Variants in BBS1 observed in about 807,000 individuals in gnomAD.
The protein encoded by BBS1 is BBSome complex member BBS1.
Under a neutral mutation model 73.9 loss-of-function variants are expected in BBS1, and 60 were observed. The observed-to-expected ratio is 0.81, with a 90% CI of 0.66 to 1.01. BBS1 has a LOEUF of 1.01. BBS1 is among the 50% of genes least tolerant of loss of function. The pLI is 0.00. For missense variants in BBS1, 718 were observed against 770.3 expected (o/e 0.93, Z 0.80); for synonymous variants, 283 against 317.4 (o/e 0.89, Z 1.15).
chr11:66,525,947 A>T (rs547969637), intron 11 of BBS1, among the ~76,000 whole-genome samples, 176 bp from the exon 12 acceptor site: 2 of 152,284 alleles, frequency 1.3e-5, no homozygotes, highest in South Asian at 4.1e-4. Context: ...TCTGGAACTG[A>T]GGTAGTGAGA....
In BBS1 at chr11:66,512,020, GTGTATATATA is replaced by G. The variant is rs1329157159; in HGVS notation, c.159+805_159+814del. Among the ~76,000 whole-genome samples the G allele has an allele frequency of 3.4e-3, 480 of 143,276 alleles. 3 individuals are homozygous for G. Among genetic ancestry groups the G allele is most frequent in the South Asian group, 5.6e-3 (26 of 4,676 alleles). 94.0% of individuals were successfully genotyped at this position (143,276 alleles called of 152,430 possible). ...CAAAAAAAAATATATATATATATAT[GTGTATATATA>G]TGTATATATATGTATATATATGTGT... On this transcript the variant is annotated intron_variant, in intron 3 of 16. Coordinates refer to ENST00000318312, the MANE Select transcript of BBS1 (RefSeq NM_024649.5).
chr11:66,531,171 AC>A, intron 15 of BBS1, 143 bp downstream of exon 15: 1 of 1,223,368 alleles, frequency 8.2e-7, no homozygotes, highest in Non-Finnish European at 1.2e-6. Flanking sequence ...CCCACCACAG[AC>A]CAGGCCAAGG....
chr11:66,523,107 T>G lies in BBS1; in HGVS notation c.831-349T>G, dbSNP rs973000583. The G allele has an allele frequency of 1.9e-5, 9 of 477,948 alleles. No individual in the cohort carries two copies. The Admixed American group carries it at 2.1e-4, about 11-fold the overall frequency. 29.6% of individuals were successfully genotyped at this position (477,948 alleles called of 1,614,324 possible). A position where few individuals can be genotyped will look rare whatever the true frequency, so the allele number is the denominator to read the frequency against. On this transcript the variant is annotated intron_variant, in intron 9 of 16. Transcript: ENST00000318312. The stretch of plus-strand genomic sequence containing the variant: ...CATCCTTTTCTCATAATAAAGTGCC[T>G]AAGTCCACTTGTCCTGGCTAGTCCA...
intron 11 of BBS1, chr11:66,524,223 T>C (rs1160726910): frequency 8.2e-6 from 3 of 367,966 alleles, no homozygotes; most frequent in Non-Finnish European, 1.6e-5. Context: ...GAGGTTGCAG[T>C]GAGCCAAGAT....
At chr11:66,529,495 G>A in intron 13 of BBS1, 1 of 729,070 alleles carries the variant, frequency 1.4e-6, no homozygotes, top group East Asian at 2.7e-5. Context: ...TTGTCTGGGG[G>A]AAGAAGATGG....
intron 3 of BBS1, among the ~76,000 whole-genome samples, chr11:66,514,036 C>T (rs1856000768): frequency 6.6e-6 from 1 of 152,220 alleles, no homozygotes; most frequent in Non-Finnish European, 1.5e-5. Context: ...TCCCCGTCCC[C>T]TCCCACACTG....
chr11:66,526,623 T>C, intron 12 of BBS1, 26 bp from the exon 13 acceptor site: 1 of 1,614,084 alleles, frequency 6.2e-7, no homozygotes, highest in Non-Finnish European at 8.5e-7. Flanking sequence ...GGAGGACAAA[T>C]CCATTTCCAC....
At chr11:66,529,366 G>A in intron 13 of BBS1, 2 of 1,492,484 alleles carry the variant, frequency 1.3e-6, no homozygotes, top group South Asian at 1.2e-5. Flanking sequence ...ACCTCCCTGT[G>A]GAGATGAGCA....
Position 66,528,272 on chromosome 11 carries a change from A to G in BBS1, c.1339+1465A>G, listed in dbSNP as rs576984052. Among the ~76,000 whole-genome samples, 5 of 152,374 alleles carry G rather than the reference A, an allele frequency of 3.3e-5. No individual in the cohort carries two copies. In the South Asian group the frequency reaches 8.3e-4, roughly 25 times the overall value. Reference sequence around the variant, plus strand: ...AAGTTGTAAAACTATCTTCAAGAACAGAAAAGACCACCTTCAAGAATGCTT... The same window carrying G: ...AAGTTGTAAAACTATCTTCAAGAACGGAAAAGACCACCTTCAAGAATGCTT... On this transcript the variant is annotated intron_variant, in intron 13 of 16. Transcript: ENST00000318312.
At chr11:66,512,380 T>G (rs974024084) in intron 3 of BBS1, among the ~76,000 whole-genome samples, 2 of 152,152 alleles carry the variant, frequency 1.3e-5, no homozygotes, top group African/African-American at 4.8e-5. Context: ...GGATATATCA[T>G]GTGGGTGGCT....
chr11:66,529,196 G>A, intron 13 of BBS1: 4 of 1,468,506 alleles, frequency 2.7e-6, no homozygotes. Context: ...TGGGGTGGGG[G>A]CGGGGTGGGC....
chr11:66,528,459 T>A (rs1856614496), intron 13 of BBS1, among the ~76,000 whole-genome samples: 1 of 152,142 alleles, frequency 6.6e-6, no homozygotes, highest in South Asian at 2.1e-4. Context: ...GGACTTACCC[T>A]ATCAGGTAGC....
Position 66,515,860 on chromosome 11 carries a change from G to C in BBS1, c.519-1G>C. 2 of 1,614,214 alleles carry C rather than the reference G, an allele frequency of 1.2e-6. No homozygotes were observed. Among genetic ancestry groups the C allele is most frequent in the Non-Finnish European group, 1.7e-6 (2 of 1,180,046 alleles). On this transcript the variant is annotated splice_acceptor_variant, in intron 6 of 16. Coordinates refer to ENST00000318312, the MANE Select transcript of BBS1 (RefSeq NM_024649.5). LOFTEE classifies it high-confidence loss of function. ...CAGATGCCAGTTCTCTGTGTGTCTA[G>C]GTTTCTGCAGCTGGAGCTAAGTGAA...
intron 3 of BBS1, among the ~76,000 whole-genome samples, chr11:66,512,030 A>G (rs1007811242): frequency 8.3e-5 from 12 of 144,888 alleles, no homozygotes; most frequent in African/African-American, 2.8e-4. Context: ...GTGTATATAT[A>G]TGTATATATA....
At chr11:66,512,314 G>C in intron 3 of BBS1, among the ~76,000 whole-genome samples, 1 of 152,016 alleles carries the variant, frequency 6.6e-6, no homozygotes, top group East Asian at 1.9e-4. Context: ...TTGATTCCAA[G>C]TTTTGTGCTT....
At chr11:66,510,968 C>T (rs779993091) in intron 1 of BBS1, 45 bp from the exon 2 acceptor site, 3 of 1,602,724 alleles carry the variant, frequency 1.9e-6, no homozygotes, top group Admixed American at 3.4e-5. Flanking sequence ...TTTTTTTTCC[C>T]CTCCCATGGG....
At chr11:66,518,568 C>T (rs1487331030) in intron 7 of BBS1, among the ~76,000 whole-genome samples, 2 of 151,614 alleles carry the variant, frequency 1.3e-5, no homozygotes, top group Non-Finnish European at 2.9e-5. Flanking sequence ...CGGGTTCCAG[C>T]GATTCTCCTG....
intron 3 of BBS1, among the ~76,000 whole-genome samples, chr11:66,514,062 C>G (rs1246815604): frequency 1.3e-5 from 2 of 152,188 alleles, no homozygotes; most frequent in African/African-American, 4.8e-5. Flanking sequence ...TACCACTGTC[C>G]CAGTATCTCT....
Position 66,529,832 on chromosome 11 carries a change from CT to C in BBS1, c.1355del (p.Phe452SerfsTer24), listed in dbSNP as rs1421545109. 1 of 1,611,320 alleles carries C rather than the reference CT, an allele frequency of 6.2e-7. No individual in the cohort carries two copies. The highest frequency in any genetic ancestry group is 8.5e-7 in the Non-Finnish European group (1 of 1,180,014). ...REAGTAMHRAFQTDLYLLRLR... is the reference protein window; with the variant it reads ...REAGTAMHRAXQTDLYLLRLR... ...CCTTCTCCACAGCCATGCACCGGGCCTTCCAGACAGACCTATACCTGCTGCG... is the reference window on the plus strand; with the variant it reads ...CCTTCTCCACAGCCATGCACCGGGCCTCCAGACAGACCTATACCTGCTGCG... On this transcript the variant is annotated frameshift_variant, in exon 14 of 17. Transcript: ENST00000318312. LOFTEE classifies it high-confidence loss of function.
Sources: gnomAD v4.1 joint callset for allele counts (sites outside exome capture counted in the v4.1 genomes callset) on GRCh38, gnomAD v4.1.1 for gene constraint, MANE v1.5 for transcripts, NCBI Gene and HGNC (gene_info 2026-07-23, HGNC 2026-07-21) for gene names.